Variants in ATP8A2 observed in about 807,000 individuals in gnomAD.
ATP8A2 encodes the protein ATPase phospholipid transporting 8A2, also known as phospholipid-transporting ATPase IB.
In ATP8A2, 100 loss-of-function variants were observed where a neutral mutation model predicts 165.6. The observed-to-expected ratio is 0.60, with a 90% confidence interval of 0.51 to 0.71. ATP8A2 has a LOEUF of 0.71. Among genes scored for constraint, ATP8A2 ranks in the 30% least tolerant of loss-of-function variants. The pLI is 0.00. For synonymous variants in ATP8A2, 543 were observed against 548.8 expected, an observed-to-expected ratio of 0.99 and a Z score of 0.15; for missense variants, 1,227 against 1,479.5, an observed-to-expected ratio of 0.83 and a Z score of 2.80.
intron 25 of ATP8A2, among the ~76,000 whole-genome samples, chr13:25,733,005 A>G (rs1172635383): frequency 6.6e-6 from 1 of 152,164 alleles, no homozygotes; most frequent in African/African-American, 2.4e-5. Context: ...TCCCACAAGT[A>G]AGAAAACTGA....
At chr13:25,911,201 G>C (rs1460407172) in intron 33 of ATP8A2, among the ~76,000 whole-genome samples, 1 of 152,118 alleles carries the variant, frequency 6.6e-6, no homozygotes, top group Non-Finnish European at 1.5e-5. Context: ...GGCCTGGCTT[G>C]GAACAATAGA....
At chr13:25,601,211 C>CACTA (rs1316414252) in intron 24 of ATP8A2, among the ~76,000 whole-genome samples, 1 of 152,150 alleles carries the variant, frequency 6.6e-6, no homozygotes, top group African/African-American at 2.4e-5. Context: ...GGTAAATTCT[C>CACTA]ATAGTAAGTC....
At chr13:25,925,625 G>A (rs1954581008) in intron 33 of ATP8A2, among the ~76,000 whole-genome samples, 3 of 151,792 alleles carry the variant, frequency 2.0e-5, no homozygotes, top group Non-Finnish European at 2.9e-5. Flanking sequence ...CTTGGCCATT[G>A]TCCTCAAAGA....
chr13:25,800,421 C>T (rs1414163552), intron 27 of ATP8A2, among the ~76,000 whole-genome samples: 4 of 152,266 alleles, frequency 2.6e-5, no homozygotes, highest in East Asian at 1.9e-4. Context: ...AAGATGCTCA[C>T]GCCAGACATT....
chr13:25,513,511 A>C (rs1328758388), intron 2 of ATP8A2, among the ~76,000 whole-genome samples: 1 of 149,968 alleles, frequency 6.7e-6, no homozygotes, highest in African/African-American at 2.5e-5. Context: ...ACGTCCCAGA[A>C]GATGGGCGGC....
At chr13:25,709,186 C>A (rs796210588) in intron 25 of ATP8A2, among the ~76,000 whole-genome samples, 22 of 152,324 alleles carry the variant, frequency 1.4e-4, no homozygotes, top group African/African-American at 5.3e-4. Context: ...GTCATCTGAG[C>A]AAAACAGAGC....
chr13:25,737,009 G>A (rs1460192621), intron 25 of ATP8A2, among the ~76,000 whole-genome samples: 1 of 152,204 alleles, frequency 6.6e-6, no homozygotes, highest in Non-Finnish European at 1.5e-5. Flanking sequence ...TGAGTGCAGA[G>A]ATGATAACCC....
chr13:25,639,758 A>G (rs189300911), intron 24 of ATP8A2, among the ~76,000 whole-genome samples: 7,633 of 152,272 alleles, frequency 0.05, 633 homozygotes, highest in African/African-American at 0.17. Context: ...TGGACTTAAT[A>G]GACATCTACA....
chr13:25,577,002 T>C, intron 19 of ATP8A2, 67 bp from the exon 20 acceptor site: 1 of 1,279,160 alleles, frequency 7.8e-7, no homozygotes, highest in Non-Finnish European at 1.1e-6. Flanking sequence ...TTTTGATTGG[T>C]GTTCAGCTGT....
intron 33 of ATP8A2, among the ~76,000 whole-genome samples, chr13:25,882,852 C>T (rs1953021023): frequency 6.6e-6 from 1 of 151,956 alleles, no homozygotes; most frequent in Admixed American, 6.6e-5. Flanking sequence ...GAGTTGTGTT[C>T]TTCTTAAACT....
At chr13:25,608,278 A>G (rs2040570193) in intron 24 of ATP8A2, among the ~76,000 whole-genome samples, 1 of 152,182 alleles carries the variant, frequency 6.6e-6, no homozygotes. Context: ...TCCACATGAG[A>G]TTTGGGGTGA....
intron 24 of ATP8A2, chr13:25,591,167 T>C (rs1219010978): frequency 2.5e-6 from 1 of 405,030 alleles, no homozygotes; most frequent in Non-Finnish European, 5.0e-6. Context: ...GTGTAAATTG[T>C]TGTGAAATAC....
intron 1 of ATP8A2, among the ~76,000 whole-genome samples, chr13:25,431,508 G>GC (rs1165140342): frequency 6.6e-6 from 1 of 151,856 alleles, no homozygotes; most frequent in African/African-American, 2.4e-5. Flanking sequence ...GCGGCGGGGG[G>GC]GGAATCTCAT....
At chr13:25,607,832 A>G (rs1055481334) in intron 24 of ATP8A2, among the ~76,000 whole-genome samples, 1 of 152,248 alleles carries the variant, frequency 6.6e-6, no homozygotes, top group African/African-American at 2.4e-5. Context: ...TTATTTCACT[A>G]TAAATCATGC....
intron 25 of ATP8A2, chr13:25,705,364 G>T (rs1480686618): frequency 5.7e-6 from 1 of 174,826 alleles, no homozygotes; most frequent in Admixed American, 6.5e-5. Flanking sequence ...GTGACATGGG[G>T]GCCGCTGGGC....
At chr13:25,649,007 T>C (rs1251793647) in intron 24 of ATP8A2, 2 of 507,088 alleles carry the variant, frequency 3.9e-6, no homozygotes, top group Admixed American at 4.0e-5. Context: ...TGATCTCCCT[T>C]TCATTAGGGT....
Position 25,564,471 on chromosome 13 carries a change from A to G in ATP8A2, c.1473+440A>G, listed in dbSNP as rs116240221. Among the ~76,000 whole-genome samples the G allele has an allele frequency of 1.4e-3, 218 of 152,332 alleles. 1 individual carries two copies. The highest frequency in any genetic ancestry group is 5.0e-3 in the African/African-American group (206 of 41,576). On this transcript the variant is annotated intron_variant, in intron 16 of 36. Transcript: ENST00000381655. The stretch of plus-strand genomic sequence containing the variant: ...CTACTGTGTGCCAGGCAACTAACAT[A>G]TATTTCTTTCAACACTTTAGTCAAC...
chr13:25,960,969 C>T (rs1955646165), intron 33 of ATP8A2, among the ~76,000 whole-genome samples: 1 of 152,224 alleles, frequency 6.6e-6, no homozygotes, highest in South Asian at 2.1e-4. Context: ...ACATCTCATA[C>T]TCTGTCGTCT....
chr13:25,669,300 T>A (rs979441366), intron 24 of ATP8A2, among the ~76,000 whole-genome samples: 1 of 152,256 alleles, frequency 6.6e-6, no homozygotes, highest in African/African-American at 2.4e-5. Context: ...GACATATGGT[T>A]ACTGACATTT....
Sources: allele counts gnomAD v4.1 joint callset (sites outside exome capture counted in the v4.1 genomes callset), GRCh38; gene constraint gnomAD v4.1.1; transcripts MANE v1.5; gene names NCBI Gene and HGNC (gene_info 2026-07-23, HGNC 2026-07-21).